CARD14: variants seen among roughly 807,000 people sequenced by gnomAD.
The protein encoded by CARD14 is caspase recruitment domain family member 14, also known as caspase recruitment domain-containing protein 14.
In CARD14, 107 loss-of-function variants were observed where a neutral mutation model predicts 111.5. The observed-to-expected ratio is 0.96, with a 90% confidence interval of 0.82 to 1.13. CARD14 has a LOEUF of 1.13. Among genes scored for constraint, CARD14 ranks in the 50% most tolerant of loss-of-function variants. CARD14 has a pLI of 0.00. For missense variants in CARD14, 1,322 were observed against 1,362.3 expected, an observed-to-expected ratio of 0.97 and a Z score of 0.47; for synonymous variants, 617 against 579.6, an observed-to-expected ratio of 1.06 and a Z score of -0.93.
Position 80,208,367 on chromosome 17 carries a change from A to C in CARD14, c.*22A>C. ...ATGATGCACCGTGCCCCTTCCCGGG[A>C]CTGTGGGGGCTTCTGTGTGCCTGTT... On this transcript the variant is annotated 3_prime_UTR_variant, in exon 24 of 24. Transcript: ENST00000648509. The C allele has an allele frequency of 6.4e-7, 1 of 1,555,528 alleles. No individual in the cohort carries two copies. Among genetic ancestry groups the C allele is most frequent in the Non-Finnish European group, 8.7e-7 (1 of 1,145,134 alleles).
intron 20 of CARD14, 142 bp from the exon 21 acceptor site, chr17:80,204,893 T>C: frequency 1.4e-6 from 1 of 693,760 alleles, no homozygotes; most frequent in South Asian, 2.0e-5. Context: ...GTGAGTCCTG[T>C]GACCGCTGAG....
intron 17 of CARD14, 41 bp from the exon 18 acceptor site, chr17:80,202,139 G>GT (rs765798391): frequency 1.3e-6 from 2 of 1,544,572 alleles, no homozygotes; most frequent in South Asian, 2.2e-5. Flanking sequence ...GCAGAGGCTC[G>GT]TATCTGTGGC....
rs1449079048 is a variant in CARD14 at position 80,205,072 on chromosome 17, C to T, written c.2436C>T (p.Thr812=). The T allele has an allele frequency of 6.2e-7, 1 of 1,611,144 alleles. No homozygotes were observed. The change falls in exon 21 of 24, where the codon ACC becomes ACT. Residue 812 remains threonine (T), a synonymous_variant. Transcript: ENST00000648509. ...STCFWAESCL[T]LVPYTLVRPH... ...GCTTCTGGGCCGAGAGCTGCCTCACCCTGGTGCCCTATACCCTGGTGCGGC... is the reference window on the plus strand; with the variant it reads ...GCTTCTGGGCCGAGAGCTGCCTCACTCTGGTGCCCTATACCCTGGTGCGGC...
At chr17:80,172,321 G>A (rs2039919998) in intron 1 of CARD14, among the ~76,000 whole-genome samples, 2 of 152,178 alleles carry the variant, frequency 1.3e-5, no homozygotes, top group Admixed American at 1.3e-4. Flanking sequence ...AGAGATTTGG[G>A]GGCAAATACT....
chr17:80,194,368 C>T (rs913659303), intron 12 of CARD14, among the ~76,000 whole-genome samples: 4 of 152,304 alleles, frequency 2.6e-5, no homozygotes, highest in Non-Finnish European at 5.9e-5. Flanking sequence ...GTAGCTACTC[C>T]AGGAATACTT....
intron 10 of CARD14, among the ~76,000 whole-genome samples, chr17:80,191,120 T>C (rs1192593663): frequency 6.6e-6 from 1 of 152,214 alleles, no homozygotes; most frequent in Non-Finnish European, 1.5e-5. Context: ...TACATGACAC[T>C]GAGAAAGTAC....
At position 80,201,952 on chromosome 17, in the gene CARD14, C is replaced by A; in HGVS notation, c.1978+82C>A. 6.7e-7 allele frequency: 1 copy of A among 1,493,782 alleles called. No individual in the cohort carries two copies. The highest frequency in any genetic ancestry group is 9.0e-7 in the Non-Finnish European group (1 of 1,109,080). 92.5% of individuals were successfully genotyped at this position (1,493,782 alleles called of 1,614,324 possible). Reference sequence around the variant, plus strand: ...AAGTCCCTGGTGGTTCTTCTGCACGCCCAGCAGCCAGGGACCCCCAGAGCC... The same window carrying A: ...AAGTCCCTGGTGGTTCTTCTGCACGACCAGCAGCCAGGGACCCCCAGAGCC... On this transcript the variant is annotated intron_variant, in intron 17 of 23. Transcript: ENST00000648509. The surrounding 1 kb of genome is among the most constrained non-coding windows in gnomAD (Gnocchi z 5.0).
chr17:80,198,402 C>T lies in CARD14; in HGVS notation c.1662C>T (p.Gly554=), dbSNP rs149971215. The T allele has an allele frequency of 7.7e-4, 1,236 of 1,599,072 alleles. 6 individuals are homozygous for T. The African/African-American group carries it at 0.012, about 16-fold the overall frequency. The change falls in exon 16 of 24, where the codon GGC becomes GGT. Residue 554 remains glycine, a synonymous_variant. Transcript: ENST00000648509. The surrounding 1 kb of genome is among the most constrained non-coding windows in gnomAD (Gnocchi z 7.5). ...CCGGTCGTCTCCCGGCCTGCAGCGG[C>T]GTCCTCATGCGGCGGAGGCCAGCCC... ...SPGRLDVSES[G]VLMRRRPARR...
rs911917589 is a variant in CARD14 at position 80,189,939 on chromosome 17, G to C, written c.963+67G>C. 1 of 1,528,878 alleles carries C rather than the reference G, an allele frequency of 6.5e-7. No individual in the cohort carries two copies. Among genetic ancestry groups the C allele is most frequent in the Non-Finnish European group, 8.7e-7 (1 of 1,151,380 alleles). 94.7% of individuals were successfully genotyped at this position (1,528,878 alleles called of 1,614,324 possible). Reference sequence around the variant, plus strand: ...TTGTCTCAGGGGTGCGGACAGGTCTGTGGGGAAGCCAGATTCCTTCATCCA... The same window carrying C: ...TTGTCTCAGGGGTGCGGACAGGTCTCTGGGGAAGCCAGATTCCTTCATCCA... On this transcript the variant is annotated intron_variant, in intron 9 of 23. Transcript: ENST00000648509. The surrounding 1 kb of genome is among the most constrained non-coding windows in gnomAD (Gnocchi z 4.7).
Position 80,202,198 on chromosome 17 carries a change from A to T in CARD14, c.1997A>T (p.Gln666Leu). The T allele has an allele frequency of 6.2e-7, 1 of 1,613,856 alleles. No homozygotes were observed. The highest frequency in any genetic ancestry group is 8.5e-7 in the Non-Finnish European group (1 of 1,179,948). Residue 666 changes from glutamine (Q) to leucine (L), a missense_variant, in exon 18 of 24, where the codon CAG becomes CTG. Transcript: ENST00000648509. ...TTATCAGGTTATAAGAGGCTACTCC[A>T]GGACCTGGAGGCCAAAGTGGCGACC... ...VNTDGYKRLL[Q>L]DLEAKVATSG... is the part of the protein sequence containing the mutation.
chr17:80,198,226 A>G lies in CARD14; in HGVS notation c.1658+64A>G, dbSNP rs997625916. ...AACCAGGGCCAGGGAGTGGCAGAGC[A>G]GAGGGTGAGTGTCCTATTACCAATG... On this transcript the variant is annotated intron_variant, in intron 15 of 23. Coordinates refer to ENST00000648509, the MANE Select transcript of CARD14 (RefSeq NM_001366385.1). This position sits in a 1 kb window ranked among gnomAD's most constrained non-coding sequence, Gnocchi z 7.5. 3.1e-6 allele frequency: 5 copies of G among 1,592,860 alleles called. No homozygotes were observed. The African/African-American group carries it at 6.7e-5, about 21-fold the overall frequency.
chr17:80,170,980 A>G (rs1193047931), intron 1 of CARD14, among the ~76,000 whole-genome samples: 3 of 150,950 alleles, frequency 2.0e-5, no homozygotes, highest in African/African-American at 7.3e-5. Context: ...AGCTGGGACT[A>G]TAGGTGCACG....
chr17:80,173,517 C>G (rs1485057197), intron 2 of CARD14, among the ~76,000 whole-genome samples: 1 of 151,918 alleles, frequency 6.6e-6, no homozygotes, highest in Admixed American at 6.6e-5. Flanking sequence ...ATGTTGCTGG[C>G]AAAAGTTTTT....
At position 80,189,869 on chromosome 17, in the gene CARD14, G is replaced by A. The variant is rs144207494; in HGVS notation, c.960G>A (p.Glu320=). The A allele has an allele frequency of 3.8e-4, 607 of 1,595,814 alleles. 12 individuals are homozygous for A. The East Asian group carries it at 9.3e-3, about 24-fold the overall frequency. The stretch of plus-strand genomic sequence containing the variant: ...CCGTGGCTGCCGAGAGGCAGCGAGA[G>A]CAGGTGCCGTGTGAGCCCTTCCTCC... The part of the protein sequence containing the change: ...ERAVAAERQR[E]QYWEEKEQTL... Residue 320 remains glutamate (E), a synonymous_variant, in exon 9 of 24, where the codon GAG becomes GAA. Coordinates refer to ENST00000648509, the MANE Select transcript of CARD14 (RefSeq NM_001366385.1). The surrounding 1 kb of genome is among the most constrained non-coding windows in gnomAD (Gnocchi z 4.7).
chr17:80,183,785 T>C (rs1414195107), intron 6 of CARD14, 128 bp from the exon 7 acceptor site: 9 of 608,012 alleles, frequency 1.5e-5, no homozygotes, highest in Non-Finnish European at 2.4e-5. Flanking sequence ...CCCGCCCACA[T>C]GCTCACCCGC....
rs114918556 is a variant in CARD14 at position 80,184,499 on chromosome 17, G to T, written c.675+261G>T. 9.5e-3 allele frequency among the ~76,000 whole-genome samples: 1,447 copies of T among 152,344 alleles called. 30 individuals carry two copies. The highest frequency in any genetic ancestry group is 0.033 in the African/African-American group (1,388 of 41,576). ...CCCGTGGCCTGGCTGGCTTGTCTGT[G>T]AACTGCCCATCCTGCTGACGCCTGG... On this transcript the variant is annotated intron_variant, in intron 7 of 23. Coordinates refer to ENST00000648509, the MANE Select transcript of CARD14 (RefSeq NM_001366385.1).
At chr17:80,194,497 C>T (rs1483497784) in intron 12 of CARD14, among the ~76,000 whole-genome samples, 1 of 152,252 alleles carries the variant, frequency 6.6e-6, no homozygotes, top group Non-Finnish European at 1.5e-5. Flanking sequence ...TAGTCACTAA[C>T]TCAACCTCTC....
intron 11 of CARD14, 99 bp downstream of exon 11, chr17:80,191,571 G>A: frequency 6.8e-7 from 1 of 1,460,224 alleles, no homozygotes; most frequent in Non-Finnish European, 9.3e-7. Context: ...GGCACTGGGA[G>A]GACAGGCAGG....
intron 2 of CARD14, among the ~76,000 whole-genome samples, chr17:80,175,902 TGA>T (rs1463629019): frequency 7.1e-6 from 1 of 140,418 alleles, no homozygotes; most frequent in African/African-American, 2.6e-5. Flanking sequence ...CTGGCAGGGA[TGA>T]GAGAGGGAAG....
Sources: allele counts gnomAD v4.1 joint callset (sites outside exome capture counted in the v4.1 genomes callset), GRCh38; gene constraint gnomAD v4.1.1; non-coding constraint Gnocchi (gnomAD v3.1); transcripts MANE v1.5; gene names NCBI Gene and HGNC (gene_info 2026-07-23, HGNC 2026-07-21).